Variants in CHN2 observed in about 807,000 individuals in gnomAD.
The protein encoded by CHN2 is chimerin 2, also known as beta-chimaerin.
A neutral mutation model predicts 56.3 loss-of-function variants in CHN2; 35 were observed. The observed-to-expected ratio is 0.62, with a 90% CI of 0.47 to 0.82. CHN2 has a LOEUF of 0.82. Ranked by LOEUF, CHN2 falls within the 40% of genes least tolerant of loss-of-function variation. The pLI is 0.00. For missense variants in CHN2, 491 were observed against 580.5 expected, an observed-to-expected ratio of 0.85 and a Z score of 1.58; for synonymous variants, 210 against 212.8, an observed-to-expected ratio of 0.99 and a Z score of 0.12.
chr7:29,420,240 C>A (rs1804198650), intron 6 of CHN2, among the ~76,000 whole-genome samples: 1 of 152,108 alleles, frequency 6.6e-6, no homozygotes, highest in Non-Finnish European at 1.5e-5. Flanking sequence ...AAAATAGAAT[C>A]ACCATATGAT....
At chr7:29,476,213 C>T (rs1469538392) in intron 6 of CHN2, among the ~76,000 whole-genome samples, 1 of 152,038 alleles carries the variant, frequency 6.6e-6, no homozygotes, top group African/African-American at 2.4e-5. Context: ...GTACCTACCT[C>T]GTAGGGTTTT....
rs10667833 is a variant in CHN2, at chr7:29,329,376, C to CAAAAAAAAAAA, written c.50-25233_50-25223dup. Among the ~76,000 whole-genome samples the CAAAAAAAAAAA allele has an allele frequency of 1.9e-4, 7 of 37,248 alleles. 2 individuals are homozygous for CAAAAAAAAAAA. Among genetic ancestry groups the CAAAAAAAAAAA allele is most frequent in the Non-Finnish European group, 1.8e-4 (4 of 21,694 alleles). The allele number at this position is 37,248 out of a possible 152,430, so 24.4% of individuals were successfully genotyped here. A position where few individuals can be genotyped will look rare whatever the true frequency, so the allele number is the denominator to read the frequency against. On this transcript the variant is annotated intron_variant, in intron 1 of 12. Transcript: ENST00000222792. ...ACTAGCTTTAAACCTTCAGATAAGG[C>CAAAAAAAAAAA]AAAAAAAAAAAAAAAAAAAAAAAAA...
chr7:29,290,045 T>G (rs768584222), intron 1 of CHN2, among the ~76,000 whole-genome samples: 51 of 152,370 alleles, frequency 3.3e-4, no homozygotes, highest in Non-Finnish European at 6.8e-4. Context: ...GTTCAAGGTA[T>G]TAGAATTTGG....
chr7:29,352,939 TTGGGTTA>T (rs1453637887), intron 1 of CHN2, among the ~76,000 whole-genome samples: 1 of 152,236 alleles, frequency 6.6e-6, no homozygotes, highest in African/African-American at 2.4e-5. Flanking sequence ...AATTGGTTGT[TTGGGTTA>T]AAGCCTTGCT....
intron 1 of CHN2, among the ~76,000 whole-genome samples, chr7:29,230,703 G>T (rs1786616085): frequency 6.6e-6 from 1 of 152,098 alleles, no homozygotes; most frequent in Admixed American, 6.5e-5. Flanking sequence ...GCTGCTCAAT[G>T]AAAGATTTTT....
At chr7:29,265,470 G>A (rs922356678) in intron 1 of CHN2, among the ~76,000 whole-genome samples, 1 of 152,198 alleles carries the variant, frequency 6.6e-6, no homozygotes, top group African/African-American at 2.4e-5. Context: ...CCCTGAAGCT[G>A]AGCAGGCTGT....
intron 1 of CHN2, among the ~76,000 whole-genome samples, chr7:29,266,809 C>T (rs1280183163): frequency 6.6e-6 from 1 of 152,182 alleles, no homozygotes; most frequent in African/African-American, 2.4e-5. Flanking sequence ...GCTGCCATCC[C>T]TTCGTATCCA....
chr7:29,182,317 T>A (rs1482188502), intron 2 of CHN2, among the ~76,000 whole-genome samples: 1 of 152,216 alleles, frequency 6.6e-6, no homozygotes, highest in Non-Finnish European at 1.5e-5. Context: ...TGTATTAATC[T>A]GATAGTGTTC....
chr7:29,483,353 G>T (rs528315503), intron 7 of CHN2, among the ~76,000 whole-genome samples: 6 of 152,284 alleles, frequency 3.9e-5, no homozygotes, highest in Non-Finnish European at 7.4e-5. Flanking sequence ...CACTGCCTTT[G>T]CTTCTCAAAC....
chr7:29,468,887 C>T (rs72596066), intron 6 of CHN2, among the ~76,000 whole-genome samples: 15,525 of 152,126 alleles, frequency 0.1, 912 homozygotes, highest in South Asian at 0.2. Context: ...GTCCTGGGGT[C>T]TCTGCTCTTC....
At chr7:29,157,721 C>G (rs959908575) in intron 2 of CHN2, among the ~76,000 whole-genome samples, 3 of 152,268 alleles carry the variant, frequency 2.0e-5, no homozygotes, top group Non-Finnish European at 2.9e-5. Context: ...TGAACAAGAT[C>G]TGGTGATAGA....
At chr7:29,471,351 A>G (rs147793339) in intron 6 of CHN2, among the ~76,000 whole-genome samples, 14 of 152,324 alleles carry the variant, frequency 9.2e-5, no homozygotes, top group Non-Finnish European at 1.9e-4. Flanking sequence ...TTATTTCTAT[A>G]TCTAAAAAGT....
At chr7:29,151,979 C>T (rs559856135) in intron 2 of CHN2, among the ~76,000 whole-genome samples, 94 of 152,322 alleles carry the variant, frequency 6.2e-4, no homozygotes, top group South Asian at 2.1e-3. Flanking sequence ...TTGGAGTCTC[C>T]TCTTTTTCTC....
intron 6 of CHN2, among the ~76,000 whole-genome samples, chr7:29,453,005 T>C (rs1412224323): frequency 6.6e-6 from 1 of 152,238 alleles, no homozygotes; most frequent in Non-Finnish European, 1.5e-5. Context: ...AATTTATATT[T>C]CTTAATGTGC....
chr7:29,411,626 A>G (rs1803223772), intron 6 of CHN2, among the ~76,000 whole-genome samples: 1 of 152,198 alleles, frequency 6.6e-6, no homozygotes, highest in Non-Finnish European at 1.5e-5. Flanking sequence ...GGGGAAGACA[A>G]CAGACTTTTA....
chr7:29,305,387 A>T (rs1226840986), intron 1 of CHN2, among the ~76,000 whole-genome samples: 1 of 152,198 alleles, frequency 6.6e-6, no homozygotes, highest in African/African-American at 2.4e-5. Flanking sequence ...CATATTCTAC[A>T]TGCTCTAAAT....
intron 1 of CHN2, among the ~76,000 whole-genome samples, chr7:29,225,272 CATT>C: frequency 6.6e-6 from 1 of 152,144 alleles, no homozygotes; most frequent in East Asian, 1.9e-4. Context: ...CTAATCATAA[CATT>C]GTTGTGTTGT....
At chr7:29,280,266 C>T (rs1056786956) in intron 1 of CHN2, among the ~76,000 whole-genome samples, 3 of 151,950 alleles carry the variant, frequency 2.0e-5, no homozygotes, top group East Asian at 1.9e-4. Context: ...CGCCTGTAGT[C>T]CCAGCTACTC....
intron 1 of CHN2, among the ~76,000 whole-genome samples, chr7:29,328,247 T>C (rs571817021): frequency 2.0e-5 from 3 of 152,324 alleles, no homozygotes; most frequent in Admixed American, 1.3e-4. Flanking sequence ...AAACACTTCC[T>C]TTTTTAGACA....
Sources: gnomAD v4.1 joint callset for allele counts (sites outside exome capture counted in the v4.1 genomes callset) on GRCh38, gnomAD v4.1.1 for gene constraint, MANE v1.5 for transcripts, NCBI Gene and HGNC (gene_info 2026-07-23, HGNC 2026-07-21) for gene names.